THOC2: variants seen among roughly 807,000 people sequenced by gnomAD.
THOC2 encodes THO complex subunit 2, also known as THO complex 2.
THOC2 carries 10 observed loss-of-function variants against 128.4 expected under a neutral mutation model. The observed-to-expected ratio is 0.08, with a 90% CI of 0.05 to 0.13. The LOEUF is 0.13. Among genes scored for constraint, THOC2 ranks in the 10% least tolerant of loss-of-function variants. THOC2 has a pLI of 1.00. For synonymous variants in THOC2, 393 were observed against 396.9 expected, an observed-to-expected ratio of 0.99 and a Z score of 0.12; for missense variants, 535 against 1,155.7, an observed-to-expected ratio of 0.46 and a Z score of 7.79.
intron 12 of THOC2, among the ~76,000 whole-genome samples, chrX:123,646,719 A>T (rs2048140711): frequency 8.9e-6 from 1 of 112,149 alleles, no homozygotes; most frequent in East Asian, 2.8e-4. Context: ...TATTAAGTCA[A>T]CATATATCCT....
chrX:123,731,312 G>A (rs1341367563), intron 1 of THOC2, among the ~76,000 whole-genome samples: 2 of 111,447 alleles, frequency 1.8e-5, no homozygotes, highest in African/African-American at 6.5e-5. Context: ...GCATAGGCTG[G>A]GGGGGCGGGG....
rs778248596 is a variant in THOC2 at position 123,633,011 on chromosome X, A to G, written c.2166T>C (p.Thr722=). The G allele has an allele frequency of 8.3e-7, 1 of 1,208,769 alleles. No homozygotes were observed. Among genetic ancestry groups the G allele is most frequent in the African/African-American group, 1.7e-5 (1 of 57,149 alleles). The change falls in exon 21 of 39, where the codon ACT becomes ACC. Residue 722 remains threonine (T), a synonymous_variant. Transcript: ENST00000245838. ...EGGYFGQIRN[T]KKSSQRLKDA... ...CCTTTAATCTCTGAGAGGATTTTTT[A>G]GTGTTTCTGATCTGACCAAAATAAC... is the stretch of plus-strand genomic sequence containing the variant.
intron 12 of THOC2, among the ~76,000 whole-genome samples, chrX:123,652,217 G>A (rs751576976): frequency 6.3e-5 from 7 of 111,634 alleles, no homozygotes; most frequent in South Asian, 3.8e-4. Context: ...AAAGGCCTTC[G>A]AGAAAATTCA....
intron 18 of THOC2, 121 bp downstream of exon 18, chrX:123,637,918 CTAGA>C (rs1364972503): frequency 4.2e-6 from 2 of 471,993 alleles, no homozygotes; most frequent in Non-Finnish European, 7.1e-6. Context: ...AACTCAGTAG[CTAGA>C]TATTCTCAGC....
At chrX:123,639,525 T>C (rs994144688) in intron 16 of THOC2, among the ~76,000 whole-genome samples, 1 of 112,041 alleles carries the variant, frequency 8.9e-6, no homozygotes, top group Non-Finnish European at 1.9e-5. Context: ...GATTGTGCTC[T>C]TGATTTGGTT....
rs186371000 is a variant in THOC2 at position 123,701,682 on chromosome X, T to C, written c.274+1772A>G. 1.2e-4 allele frequency among the ~76,000 whole-genome samples: 13 copies of C among 105,039 alleles called. No individual in the cohort carries two copies. The East Asian group carries it at 3.7e-3, about 30-fold the overall frequency. The allele number at this position is 105,039 out of a possible 115,157, so 91.2% of individuals were successfully genotyped here. A position where few individuals can be genotyped will look rare whatever the true frequency, so the allele number is the denominator to read the frequency against. ...TTTAACTGAAATTTGTTTCATGATG[T>C]ATTTATTTGCAAAAAAAAAAAAAGG... On this transcript the variant is annotated intron_variant, in intron 4 of 38. Transcript: ENST00000245838.
At chrX:123,656,019 GAA>G (rs769477109) in intron 12 of THOC2, among the ~76,000 whole-genome samples, 1 of 102,808 alleles carries the variant, frequency 9.7e-6, no homozygotes, top group Non-Finnish European at 2.0e-5. Flanking sequence ...TCTGTCTGGG[GAA>G]AAAAAAAAGG....
intron 15 of THOC2, among the ~76,000 whole-genome samples, chrX:123,643,109 A>AG (rs2047991519): frequency 1.8e-5 from 2 of 111,541 alleles, no homozygotes; most frequent in Admixed American, 9.6e-5. Flanking sequence ...CCAGATGGAA[A>AG]GGGGGAAAGG....
chrX:123,654,715 C>G (rs986803876), intron 12 of THOC2, among the ~76,000 whole-genome samples: 1 of 92,838 alleles, frequency 1.1e-5, no homozygotes, highest in Admixed American at 1.3e-4. Context: ...GGTGAGATTG[C>G]GCCACTGCAT....
intron 7 of THOC2, among the ~76,000 whole-genome samples, chrX:123,693,409 A>C (rs750210892): frequency 8.9e-6 from 1 of 111,967 alleles, no homozygotes; most frequent in Admixed American, 9.5e-5. Flanking sequence ...GAGGTTGCGG[A>C]TAGCCAAGAT....
chrX:123,681,155 G>A (rs1440973005), intron 8 of THOC2, among the ~76,000 whole-genome samples: 2 of 111,544 alleles, frequency 1.8e-5, no homozygotes, highest in African/African-American at 3.3e-5. Flanking sequence ...AGTTAGTAAG[G>A]GACAACTCTT....
chrX:123,695,892 C>T (rs948170282), intron 7 of THOC2, 129 bp downstream of exon 7: 5 of 409,425 alleles, frequency 1.2e-5, no homozygotes, highest in African/African-American at 2.6e-5. Flanking sequence ...AAAAGCTAAA[C>T]ACCTCTCCCA....
intron 8 of THOC2, among the ~76,000 whole-genome samples, chrX:123,683,460 A>C (rs759766145): frequency 7.6e-4 from 85 of 111,405 alleles, no homozygotes; most frequent in Non-Finnish European, 1.7e-4. Context: ...CCAACTCTCA[A>C]GGTTACATCA....
At chrX:123,674,314 A>G (rs2147828513) in intron 8 of THOC2, among the ~76,000 whole-genome samples, 1 of 111,912 alleles carries the variant, frequency 8.9e-6, no homozygotes, top group Non-Finnish European at 1.9e-5. Context: ...TATATTATAT[A>G]ATGTTTTTCA....
chrX:123,629,822 GGT>G (rs1183033329), intron 22 of THOC2, among the ~76,000 whole-genome samples: 2 of 111,528 alleles, frequency 1.8e-5, no homozygotes, highest in African/African-American at 6.6e-5. Flanking sequence ...CTTCTGCTAA[GGT>G]TCTAACAAAA....
intron 38 of THOC2, among the ~76,000 whole-genome samples, chrX:123,604,293 T>G (rs2046387501): frequency 8.9e-6 from 1 of 111,916 alleles, no homozygotes; most frequent in Admixed American, 9.5e-5. Flanking sequence ...GAAGATGGCC[T>G]TCCTACTCTG....
intron 3 of THOC2, among the ~76,000 whole-genome samples, chrX:123,706,565 T>C (rs961628658): frequency 2.1e-5 from 2 of 93,662 alleles, no homozygotes; most frequent in African/African-American, 7.9e-5. Context: ...CACAGGCTTT[T>C]TTTTTTCTCC....
chrX:123,619,299 G>A (rs1268202113), intron 33 of THOC2, 102 bp downstream of exon 33: 2 of 442,243 alleles, frequency 4.5e-6, no homozygotes, highest in African/African-American at 4.9e-5. Flanking sequence ...TTATCCCACT[G>A]ATCTCAGCTT....
At chrX:123,726,338 G>C (rs1325471894) in intron 1 of THOC2, among the ~76,000 whole-genome samples, 1 of 109,923 alleles carries the variant, frequency 9.1e-6, no homozygotes, top group Non-Finnish European at 1.9e-5. Flanking sequence ...CCTTCATATA[G>C]AAAAAGAGAA....
Sources: gnomAD v4.1 joint callset for allele counts (sites outside exome capture counted in the v4.1 genomes callset) on GRCh38, gnomAD v4.1.1 for gene constraint, MANE v1.5 for transcripts, NCBI Gene and HGNC (gene_info 2026-07-23, HGNC 2026-07-21) for gene names.